Variants in PIBF1 observed in about 807,000 individuals in gnomAD.
PIBF1 encodes the protein progesterone immunomodulatory binding factor 1.
PIBF1 carries 90 observed loss-of-function variants against 112.5 expected under a neutral mutation model. That is an observed-to-expected ratio of 0.80 (90% confidence interval 0.67 to 0.95). PIBF1 has a LOEUF of 0.95. Ranked by LOEUF, PIBF1 falls within the 40% of genes least tolerant of loss-of-function variation. PIBF1 has a pLI of 0.00. For missense variants in PIBF1, 915 were observed against 852.3 expected, an observed-to-expected ratio of 1.07 and a Z score of -0.92; for synonymous variants, 301 against 288.6, an observed-to-expected ratio of 1.04 and a Z score of -0.44.
chr13:72,788,700 C>A (rs1446263923), intron 2 of PIBF1, among the ~76,000 whole-genome samples: 1 of 152,144 alleles, frequency 6.6e-6, no homozygotes, highest in East Asian at 1.9e-4. Flanking sequence ...ATAGCATGAC[C>A]ACCCCTACCT....
At chr13:72,876,450 G>T (rs1003198618) in intron 10 of PIBF1, among the ~76,000 whole-genome samples, 40 of 151,876 alleles carry the variant, frequency 2.6e-4, no homozygotes, top group African/African-American at 9.0e-4. Flanking sequence ...TTTAGAATCC[G>T]TTTGTCTATA....
At chr13:72,957,962 GA>G (rs1257424303) in intron 14 of PIBF1, among the ~76,000 whole-genome samples, 1 of 151,168 alleles carries the variant, frequency 6.6e-6, no homozygotes, top group Non-Finnish European at 1.5e-5. Context: ...GGGCAGGGGG[GA>G]AAGAAAGAAA....
chr13:72,798,593 C>T lies in PIBF1; in HGVS notation c.672+567C>T, dbSNP rs1473591163. Among the ~76,000 whole-genome samples the T allele has an allele frequency of 3.9e-5, 6 of 152,142 alleles. No individual in the cohort carries two copies. In the South Asian group the frequency reaches 6.2e-4, roughly 16 times the overall value. On this transcript the variant is annotated intron_variant, in intron 5 of 17. Transcript: ENST00000326291. ...ATTTTCAAAATTATCTCAGCCTAGA[C>T]GATGAATATAGTAATCATAAATCAA...
chr13:72,864,481 G>A lies in PIBF1; in HGVS notation c.1322+10326G>A, dbSNP rs1436230687. Among the ~76,000 whole-genome samples, 5 of 152,264 alleles carry A rather than the reference G, an allele frequency of 3.3e-5. 1 individual carries two copies. Among genetic ancestry groups the A allele is most frequent in the South Asian group, 4.1e-4 (2 of 4,824 alleles). On this transcript the variant is annotated intron_variant, in intron 10 of 17. Coordinates refer to ENST00000326291, the MANE Select transcript of PIBF1 (RefSeq NM_006346.4). Reference sequence around the variant, plus strand: ...TTAGGATGTTTCTTAGAAATCTAGCGTCATAGTTGGTCATTATGCTTGTGA... The same window carrying A: ...TTAGGATGTTTCTTAGAAATCTAGCATCATAGTTGGTCATTATGCTTGTGA...
intron 11 of PIBF1, among the ~76,000 whole-genome samples, chr13:72,901,473 G>T (rs1413845188): frequency 2.0e-5 from 3 of 152,180 alleles, no homozygotes; most frequent in African/African-American, 7.2e-5. Context: ...CGGATCACCT[G>T]AGGACAGGAG....
intron 15 of PIBF1, among the ~76,000 whole-genome samples, chr13:72,970,208 C>T (rs2042852643): frequency 6.6e-6 from 1 of 152,100 alleles, no homozygotes; most frequent in African/African-American, 2.4e-5. Flanking sequence ...ATGAAATCAT[C>T]ATAAACACAT....
At chr13:72,801,073 A>G (rs1444313777) in intron 5 of PIBF1, among the ~76,000 whole-genome samples, 3 of 152,212 alleles carry the variant, frequency 2.0e-5, no homozygotes, top group East Asian at 3.9e-4. Flanking sequence ...GAGGAGGGCA[A>G]TATGACTGGT....
At chr13:72,919,891 C>CT (rs2041230876) in intron 13 of PIBF1, among the ~76,000 whole-genome samples, 1 of 152,026 alleles carries the variant, frequency 6.6e-6, no homozygotes, top group Admixed American at 6.6e-5. Flanking sequence ...GGAGGATTAC[C>CT]TGAGCTCAAG....
chr13:72,975,479 C>CT (rs1297452213), intron 16 of PIBF1, among the ~76,000 whole-genome samples: 1 of 152,150 alleles, frequency 6.6e-6, no homozygotes, highest in Non-Finnish European at 1.5e-5. Flanking sequence ...GAACTGGAAA[C>CT]TATTACTGGA....
chr13:72,964,423 C>T (rs1226926246), intron 14 of PIBF1, among the ~76,000 whole-genome samples: 1 of 152,142 alleles, frequency 6.6e-6, no homozygotes, highest in African/African-American at 2.4e-5. Context: ...AGCTATTCAA[C>T]ATTATGAATG....
At chr13:72,812,639 CTGGGTGTGG>C (rs1448592697) in intron 5 of PIBF1, among the ~76,000 whole-genome samples, 13 of 152,092 alleles carry the variant, frequency 8.5e-5, no homozygotes, top group African/African-American at 2.4e-4. Flanking sequence ...CAAAAATTAG[CTGGGTGTGG>C]TGGTGCAGGC....
At chr13:72,842,644 G>A (rs1376964314) in intron 9 of PIBF1, among the ~76,000 whole-genome samples, 1 of 152,104 alleles carries the variant, frequency 6.6e-6, no homozygotes, top group Non-Finnish European at 1.5e-5. Flanking sequence ...AGTGTACAGA[G>A]GTTCCAGTCA....
intron 12 of PIBF1, among the ~76,000 whole-genome samples, chr13:72,909,595 A>G (rs1674101841): frequency 1.3e-5 from 2 of 151,814 alleles, no homozygotes; most frequent in South Asian, 2.1e-4. Flanking sequence ...CCCGGTTTCA[A>G]GCGATTCTTC....
Position 72,998,960 on chromosome 13 carries a change from G to T in PIBF1, c.2188G>T (p.Glu730Ter), listed in dbSNP as rs767012095. 9 of 1,609,480 alleles carry T rather than the reference G, an allele frequency of 5.6e-6. 2 individuals are homozygous for T. In the South Asian group the frequency reaches 6.6e-5, roughly 12 times the overall value. ...SKTLNVPKEH[E>*]DNIFTPKPTL... ...GACTTTGAATGTGCCTAAAGAGCAT[G>T]AAGACAATATATTTACACCTAAACC... Residue 730 changes from glutamate (E) to a stop codon, truncating the protein, a stop_gained, in exon 17 of 18, where the codon GAA (glutamate) becomes TAA (stop). Transcript: ENST00000326291. LOFTEE classifies it high-confidence loss of function.
At chr13:72,810,578 ATTTG>A (rs1454351538) in intron 5 of PIBF1, among the ~76,000 whole-genome samples, 1 of 152,150 alleles carries the variant, frequency 6.6e-6, no homozygotes, top group African/African-American at 2.4e-5. Context: ...GATGAAACAT[ATTTG>A]TTTATTAAAG....
chr13:72,986,723 G>A (rs1349204549), intron 16 of PIBF1, among the ~76,000 whole-genome samples: 1 of 125,862 alleles, frequency 7.9e-6, no homozygotes, highest in Non-Finnish European at 1.6e-5. Flanking sequence ...TCGCTCTGTC[G>A]CCCAGGCCGG....
rs544741322 is a variant in PIBF1, at chr13:72,985,904, CT to C, written c.2049+12232del. On this transcript the variant is annotated intron_variant, in intron 16 of 17. Coordinates refer to ENST00000326291, the MANE Select transcript of PIBF1 (RefSeq NM_006346.4). ...GTGGGTCACACCTATAATCCCAGGA[CT>C]TTGGGAGGCTGAGGCAGAAGGATTG... is the stretch of plus-strand genomic sequence containing the variant. Among the ~76,000 whole-genome samples, 29 of 151,964 alleles carry C rather than the reference CT, an allele frequency of 1.9e-4. 1 individual carries two copies. The highest frequency in any genetic ancestry group is 1.7e-3 in the South Asian group (8 of 4,814).
At chr13:72,938,283 G>A (rs1389139405) in intron 14 of PIBF1, among the ~76,000 whole-genome samples, 2 of 151,988 alleles carry the variant, frequency 1.3e-5, no homozygotes, top group South Asian at 2.1e-4. Context: ...TTCATACACA[G>A]CACCACTATC....
intron 17 of PIBF1, among the ~76,000 whole-genome samples, chr13:73,010,810 C>CTTTTTTTTTTTGTTTTTT (rs2044175551): frequency 2.5e-5 from 1 of 40,280 alleles, no homozygotes; most frequent in East Asian, 9.6e-4. Context: ...ATTAACTTTT[C>CTTTTTTTTTTTGTTTTTT]TTTTTTTTTT....
Sources: allele counts gnomAD v4.1 joint callset (sites outside exome capture counted in the v4.1 genomes callset), GRCh38; gene constraint gnomAD v4.1.1; transcripts MANE v1.5; gene names NCBI Gene and HGNC (gene_info 2026-07-23, HGNC 2026-07-21).